Variants in GTF2F2 observed in about 807,000 individuals in gnomAD.
GTF2F2 encodes general transcription factor IIF subunit 2.
GTF2F2 carries 23 observed loss-of-function variants against 42.2 expected under a neutral mutation model. The ratio of observed to expected loss-of-function variants is 0.55; its 90% CI spans 0.39 to 0.77. GTF2F2 has a LOEUF of 0.77. Among genes scored for constraint, GTF2F2 ranks in the 30% least tolerant of loss-of-function variants. GTF2F2 has a pLI of 0.00. For synonymous variants in GTF2F2, 105 were observed against 100.8 expected (o/e 1.04, Z -0.25); for missense variants, 261 against 287.2 (o/e 0.91, Z 0.66).
chr13:45,240,161 C>T (rs1875215636), intron 5 of GTF2F2, among the ~76,000 whole-genome samples: 1 of 132,150 alleles, frequency 7.6e-6, no homozygotes, highest in Non-Finnish European at 1.6e-5. Flanking sequence ...GCCATGCACT[C>T]TCCTAAGAAC....
chr13:45,196,381 T>G (rs1042745714), intron 4 of GTF2F2, among the ~76,000 whole-genome samples: 11 of 152,222 alleles, frequency 7.2e-5, no homozygotes, highest in Non-Finnish European at 1.6e-4. Flanking sequence ...TACTCTTATA[T>G]TCTGACAATC....
chr13:45,157,755 T>G (rs1593460665), intron 4 of GTF2F2, among the ~76,000 whole-genome samples: 1 of 150,690 alleles, frequency 6.6e-6, no homozygotes, highest in Admixed American at 6.6e-5. Flanking sequence ...TATTTTTTTG[T>G]TTTTTTTTGT....
chr13:45,177,421 T>C (rs1388832330), intron 4 of GTF2F2, among the ~76,000 whole-genome samples: 1 of 152,170 alleles, frequency 6.6e-6, no homozygotes, highest in Non-Finnish European at 1.5e-5. Context: ...TACCAAAGTT[T>C]TAAACTGTAC....
At chr13:45,226,561 A>G (rs1874365322) in intron 5 of GTF2F2, among the ~76,000 whole-genome samples, 3 of 152,100 alleles carry the variant, frequency 2.0e-5, no homozygotes, top group Admixed American at 1.3e-4. Context: ...AGAATATTAT[A>G]TTCCCCATTA....
intron 4 of GTF2F2, chr13:45,193,899 AAG>A: frequency 6.2e-7 from 1 of 1,614,140 alleles, no homozygotes; most frequent in Non-Finnish European, 8.5e-7. Context: ...CCTCAAACTT[AAG>A]AGTTTCCAAG....
intron 5 of GTF2F2, among the ~76,000 whole-genome samples, chr13:45,220,219 A>G (rs1199882759): frequency 1.3e-5 from 2 of 152,170 alleles, no homozygotes; most frequent in South Asian, 2.1e-4. Context: ...TTTTTAAGCT[A>G]TTGCATGCCA....
At chr13:45,155,584 G>T (rs1870717111) in intron 4 of GTF2F2, among the ~76,000 whole-genome samples, 1 of 152,132 alleles carries the variant, frequency 6.6e-6, no homozygotes, top group African/African-American at 2.4e-5. Flanking sequence ...TAATGATTAA[G>T]TTATACAGTG....
chr13:45,239,363 T>A (rs1215526563), intron 5 of GTF2F2, among the ~76,000 whole-genome samples: 7 of 152,234 alleles, frequency 4.6e-5, no homozygotes, highest in Admixed American at 4.6e-4. Flanking sequence ...GTTGTCTAGC[T>A]AACAGAGGTA....
At chr13:45,194,074 A>G in intron 4 of GTF2F2, 1 of 1,614,150 alleles carries the variant, frequency 6.2e-7, no homozygotes, top group Non-Finnish European at 8.5e-7. Context: ...TATTTTTGAT[A>G]TGAAATCAGG....
intron 5 of GTF2F2, among the ~76,000 whole-genome samples, chr13:45,251,789 T>TA (rs1293039246): frequency 1.3e-5 from 2 of 152,182 alleles, no homozygotes; most frequent in African/African-American, 4.8e-5. Flanking sequence ...GTTTTACACT[T>TA]ACTCTTCAAT....
intron 5 of GTF2F2, among the ~76,000 whole-genome samples, chr13:45,240,103 T>A (rs1875209470): frequency 7.8e-5 from 11 of 140,536 alleles, no homozygotes. Flanking sequence ...GTAGAGGGAT[T>A]TTTTTTTTTT....
chr13:45,147,283 G>A (rs559387788), intron 2 of GTF2F2, among the ~76,000 whole-genome samples: 32 of 152,290 alleles, frequency 2.1e-4, no homozygotes, highest in Non-Finnish European at 3.7e-4. Flanking sequence ...GCTTCAAGCT[G>A]TCTTTACTTT....
chr13:45,151,535 T>G, intron 3 of GTF2F2, 152 bp from the exon 4 acceptor site: 1 of 505,282 alleles, frequency 2.0e-6, no homozygotes, highest in Non-Finnish European at 3.4e-6. Flanking sequence ...ATATTCTCTT[T>G]TTATGACCAA....
At chr13:45,198,974 G>A (rs1873040825) in intron 4 of GTF2F2, among the ~76,000 whole-genome samples, 1 of 152,106 alleles carries the variant, frequency 6.6e-6, no homozygotes, top group South Asian at 2.1e-4. Flanking sequence ...CCAAATTTTA[G>A]TTCTATTTTG....
chr13:45,158,355 C>A (rs1199303232), intron 4 of GTF2F2, among the ~76,000 whole-genome samples: 1 of 152,172 alleles, frequency 6.6e-6, no homozygotes. Context: ...AATTGTGAGG[C>A]CTCCCCAGCC....
At chr13:45,150,914 T>C (rs1459406404) in intron 3 of GTF2F2, among the ~76,000 whole-genome samples, 2 of 152,220 alleles carry the variant, frequency 1.3e-5, no homozygotes, top group East Asian at 3.9e-4. Context: ...GAAAACTGTC[T>C]TTTTTTATAA....
At chr13:45,242,041 T>C (rs1414565663) in intron 5 of GTF2F2, among the ~76,000 whole-genome samples, 1 of 152,158 alleles carries the variant, frequency 6.6e-6, no homozygotes, top group African/African-American at 2.4e-5. Flanking sequence ...TTAGATTCAC[T>C]TCTAATAGAT....
At chr13:45,131,260 T>C (rs778416591) in intron 1 of GTF2F2, among the ~76,000 whole-genome samples, 1 of 149,928 alleles carries the variant, frequency 6.7e-6, no homozygotes, top group African/African-American at 2.5e-5. Context: ...AAGGACTGAA[T>C]CCAGTGCCCA....
chr13:45,243,685 G>A (rs1292971323), intron 5 of GTF2F2, among the ~76,000 whole-genome samples: 1 of 152,070 alleles, frequency 6.6e-6, no homozygotes, highest in Non-Finnish European at 1.5e-5. Context: ...TTTTGAGACG[G>A]AGTCTCGCTT....
Sources: gnomAD v4.1 joint callset for allele counts (sites outside exome capture counted in the v4.1 genomes callset) on GRCh38, gnomAD v4.1.1 for gene constraint, MANE v1.5 for transcripts, NCBI Gene and HGNC (gene_info 2026-07-23, HGNC 2026-07-21) for gene names.